WDR33: variants seen among roughly 807,000 people sequenced by gnomAD.
WDR33 encodes pre-mRNA 3' end processing protein WDR33.
Under a neutral mutation model 164.9 loss-of-function variants are expected in WDR33, and 47 were observed. The ratio of observed to expected loss-of-function variants is 0.29; its 90% CI spans 0.23 to 0.36. The LOEUF (loss-of-function observed/expected upper bound fraction) is 0.36. Among genes scored for constraint, WDR33 ranks in the 10% least tolerant of loss-of-function variants. WDR33 has a pLI of 1.00. For missense variants in WDR33, 1,137 were observed against 1,754.1 expected, an observed-to-expected ratio of 0.65 and a Z score of 6.28; for synonymous variants, 505 against 589.0, an observed-to-expected ratio of 0.86 and a Z score of 2.06.
chr2:127,735,685 T>C lies in WDR33; in HGVS notation c.725-8908A>G, dbSNP rs1686820063. On this transcript the variant is annotated intron_variant, in intron 7 of 21. Transcript: ENST00000322313. This position sits in a 1 kb window ranked among gnomAD's most constrained non-coding sequence, Gnocchi z 4.3. ...TAACAGATCAGTTTAAGACAAAGGG[T>C]ATATGAGTACCCATGGCCCATAGCC... is the stretch of plus-strand genomic sequence containing the variant. 1 of 985,656 alleles carries C rather than the reference T, an allele frequency of 1.0e-6. No individual in the cohort carries two copies. The allele number at this position is 985,656 out of a possible 1,614,324, so 61.1% of individuals were successfully genotyped here.
chr2:127,795,802 C>G (rs1008345013), intron 1 of WDR33, among the ~76,000 whole-genome samples: 1 of 150,976 alleles, frequency 6.6e-6, no homozygotes, highest in African/African-American at 2.4e-5. Flanking sequence ...CCACTGCACT[C>G]TAGCCTGGGC....
intron 7 of WDR33, among the ~76,000 whole-genome samples, chr2:127,743,678 C>G (rs1429394574): frequency 6.6e-6 from 1 of 152,136 alleles, no homozygotes; most frequent in African/African-American, 2.4e-5. Context: ...CTTCTGTAAC[C>G]TAGTGGTGAG....
chr2:127,758,570 A>G (rs1390664925), intron 7 of WDR33, among the ~76,000 whole-genome samples: 1 of 152,258 alleles, frequency 6.6e-6, no homozygotes, highest in Non-Finnish European at 1.5e-5. Context: ...GTTAAAATCA[A>G]GAAGGTAAAA....
rs1268651848 is a variant in WDR33 at position 127,713,937 on chromosome 2, G to T, written c.2954C>A (p.Pro985His). The T allele has an allele frequency of 6.2e-7, 1 of 1,602,524 alleles. No homozygotes were observed. The highest frequency in any genetic ancestry group is 2.2e-5 in the East Asian group (1 of 44,836). Residue 985 changes from proline (P) to histidine (H), a missense_variant, in exon 18 of 22, where the codon CCC becomes CAC. Physicochemically the swap from Pro to His is moderately conservative, Grantham distance 77. Coordinates refer to ENST00000322313, the MANE Select transcript of WDR33 (RefSeq NM_018383.5). This position sits in a 1 kb window ranked among gnomAD's most constrained non-coding sequence, Gnocchi z 6.2. ...HEQSGGPEHGPERGPFRGGQD... is the reference protein window; with the variant it reads ...HEQSGGPEHGHERGPFRGGQD... ...GCCACCCCGGAAAGGCCCCCTCTCG[G>T]GCCCATGCTCAGGCCCGCCGCTCTG...
At chr2:127,776,148 T>C (rs1200588477) in intron 1 of WDR33, among the ~76,000 whole-genome samples, 2 of 152,160 alleles carry the variant, frequency 1.3e-5, no homozygotes, top group South Asian at 2.1e-4. Flanking sequence ...CCAATCTAAC[T>C]GGTATCCTTT....
intron 7 of WDR33, among the ~76,000 whole-genome samples, chr2:127,750,677 AATATATATATATATATATATAT>A (rs1161071581): frequency 2.5e-4 from 9 of 35,800 alleles, no homozygotes; most frequent in Admixed American, 4.6e-4. Context: ...AAAAAAAAAA[AATATATATATATATATATATAT>A]ATATATATAT....
chr2:127,783,729 C>T (rs1054185810), intron 1 of WDR33, among the ~76,000 whole-genome samples: 5 of 150,762 alleles, frequency 3.3e-5, no homozygotes, highest in African/African-American at 7.3e-5. Flanking sequence ...CTCAGTCTCC[C>T]GAGTAGATGA....
chr2:127,758,475 T>C (rs2105426391), intron 7 of WDR33, among the ~76,000 whole-genome samples: 1 of 152,250 alleles, frequency 6.6e-6, no homozygotes, highest in East Asian at 1.9e-4. Flanking sequence ...AGTACTGCTC[T>C]GGTAGGGCTA....
intron 1 of WDR33, among the ~76,000 whole-genome samples, chr2:127,772,300 G>A (rs909996396): frequency 3.9e-5 from 6 of 152,034 alleles, no homozygotes; most frequent in South Asian, 2.1e-4. Flanking sequence ...TTAGCTGGGC[G>A]TGGTGGCAGT....
At chr2:127,739,439 G>A (rs748578006) in intron 7 of WDR33, among the ~76,000 whole-genome samples, 4 of 152,192 alleles carry the variant, frequency 2.6e-5, no homozygotes, top group Non-Finnish European at 4.4e-5. Context: ...CAAGAAAAGG[G>A]TATGTTACAT....
In WDR33 at chr2:127,713,504, GAAGA is replaced by G. The variant is rs970386920; in HGVS notation, c.3308+75_3308+78del. ...TATAATTCTCTTTCCTCAAGAAAAAGAAGAAAGAGACCTTTGTGGAGACAGCAGA... is the reference window on the plus strand; with the variant it reads ...TATAATTCTCTTTCCTCAAGAAAAAGAAGAGACCTTTGTGGAGACAGCAGA... On this transcript the variant is annotated intron_variant, in intron 18 of 21. Coordinates refer to ENST00000322313, the MANE Select transcript of WDR33 (RefSeq NM_018383.5). This position sits in a 1 kb window ranked among gnomAD's most constrained non-coding sequence, Gnocchi z 6.2. 90 of 1,487,112 alleles carry G rather than the reference GAAGA, an allele frequency of 6.1e-5. No individual in the cohort carries two copies. The African/African-American group carries it at 9.6e-4, about 16-fold the overall frequency. The allele number at this position is 1,487,112 out of a possible 1,614,324, so 92.1% of individuals were successfully genotyped here. A position where few individuals can be genotyped will look rare whatever the true frequency, so the allele number is the denominator to read the frequency against.
chr2:127,795,221 C>T (rs1366405849), intron 1 of WDR33, among the ~76,000 whole-genome samples: 3 of 151,308 alleles, frequency 2.0e-5, no homozygotes, highest in Non-Finnish European at 2.9e-5. Context: ...CTGCCTCAGC[C>T]TCCTGAGTAG....
intron 3 of WDR33, 56 bp downstream of exon 3, chr2:127,768,876 TA>T: frequency 7.2e-7 from 1 of 1,380,890 alleles, no homozygotes; most frequent in Non-Finnish European, 1.0e-6. Flanking sequence ...CAGTGAAGGC[TA>T]AAATATTCAA....
At chr2:127,736,949 C>T in intron 7 of WDR33, 1 of 985,082 alleles carries the variant, frequency 1.0e-6, no homozygotes, top group Non-Finnish European at 1.2e-6. Flanking sequence ...TGGAGAAAAA[C>T]AGTTAATTGA....
At position 127,714,867 on chromosome 2, in the gene WDR33, C is replaced by T. The variant is rs946090183; in HGVS notation, c.2870-846G>A. On this transcript the variant is annotated intron_variant, in intron 17 of 21. Coordinates refer to ENST00000322313, the MANE Select transcript of WDR33 (RefSeq NM_018383.5). The surrounding 1 kb of genome is among the most constrained non-coding windows in gnomAD (Gnocchi z 4.3). The stretch of plus-strand genomic sequence containing the variant: ...TGTTTACCTATTTTTGGTTAACATA[C>T]AATTTAAATCAAACACTTTTTAAAA... Among the ~76,000 whole-genome samples, 1 of 152,134 alleles carries T rather than the reference C, an allele frequency of 6.6e-6. No homozygotes were observed. The highest frequency in any genetic ancestry group is 2.4e-5 in the African/African-American group (1 of 41,418).
At position 127,723,176 on chromosome 2, in the gene WDR33, T is replaced by C. The variant is rs960501330; in HGVS notation, c.1291+77A>G. On this transcript the variant is annotated intron_variant, in intron 12 of 21. Coordinates refer to ENST00000322313, the MANE Select transcript of WDR33 (RefSeq NM_018383.5). This position sits in a 1 kb window ranked among gnomAD's most constrained non-coding sequence, Gnocchi z 5.9. ...TACTATAAAATTAAAATTCATTTTGTATAATCTTCCCAACATCTAACACTT... is the reference window on the plus strand; with the variant it reads ...TACTATAAAATTAAAATTCATTTTGCATAATCTTCCCAACATCTAACACTT... 5.0e-4 allele frequency: 733 copies of C among 1,468,640 alleles called. 2 individuals carry two copies. The highest frequency in any genetic ancestry group is 7.1e-5 in the Non-Finnish European group (76 of 1,074,418). The allele number at this position is 1,468,640 out of a possible 1,614,324, so 91.0% of individuals were successfully genotyped here.
rs1431884880 is a variant in WDR33 at position 127,717,479 on chromosome 2, T to C, written c.2761-216A>G. Among the ~76,000 whole-genome samples the C allele has an allele frequency of 6.6e-6, 1 of 152,222 alleles. No homozygotes were observed. On this transcript the variant is annotated intron_variant, in intron 16 of 21. Coordinates refer to ENST00000322313, the MANE Select transcript of WDR33 (RefSeq NM_018383.5). The surrounding 1 kb of genome is among the most constrained non-coding windows in gnomAD (Gnocchi z 5.6). ...ATTTTAAACCTGTTGACAACTTTTA[T>C]GTAAAATTAGATCTTTACTCGTAAT...
rs568397485 is a variant in WDR33 at position 127,704,459 on chromosome 2, C to G, written c.*1864G>C. 1 of 167,062 alleles carries G rather than the reference C, an allele frequency of 6.0e-6. No homozygotes were observed. Among genetic ancestry groups the G allele is most frequent in the South Asian group, 2.1e-4 (1 of 4,818 alleles). The allele number at this position is 167,062 out of a possible 1,614,324, so 10.3% of individuals were successfully genotyped here. On this transcript the variant is annotated 3_prime_UTR_variant, in exon 22 of 22. Coordinates refer to ENST00000322313, the MANE Select transcript of WDR33 (RefSeq NM_018383.5). ...CTTGATATGGGTTTGGTCTCTGGAT[C>G]CGGTTTTAGCTTCATGAAATTTGAT...
At chr2:127,796,972 A>G (rs1283924051) in intron 1 of WDR33, among the ~76,000 whole-genome samples, 2 of 152,018 alleles carry the variant, frequency 1.3e-5, no homozygotes, top group African/African-American at 2.4e-5. Context: ...GAATTTACCT[A>G]CTTGCTAAAA....
Sources: gnomAD v4.1 joint callset for allele counts (sites outside exome capture counted in the v4.1 genomes callset) on GRCh38, gnomAD v4.1.1 for gene constraint, Gnocchi (gnomAD v3.1) non-coding constraint, MANE v1.5 for transcripts, NCBI Gene and HGNC (gene_info 2026-07-23, HGNC 2026-07-21) for gene names.